Variants in TSPAN5 observed in about 807,000 individuals in gnomAD.
TSPAN5 encodes tetraspanin 5.
TSPAN5 carries 10 observed loss-of-function variants against 37.1 expected under a neutral mutation model. The ratio of observed to expected loss-of-function variants is 0.27; its 90% CI spans 0.17 to 0.46. The LOEUF (loss-of-function observed/expected upper bound fraction) is 0.46, where lower values mean the gene tolerates loss of function less well. Ranked by LOEUF, TSPAN5 falls within the 20% of genes least tolerant of loss-of-function variation. The probability of loss-of-function intolerance (pLI) is 1.00; values close to 1 mark genes in which losing one functional copy is unlikely to be tolerated. For synonymous variants in TSPAN5, 110 were observed against 118.9 expected, an observed-to-expected ratio of 0.93 and a Z score of 0.48; for missense variants, 195 against 326.6, an observed-to-expected ratio of 0.60 and a Z score of 3.11.
rs147869584 is a variant in TSPAN5 at position 98,617,191 on chromosome 4, T to A, written c.81+40955A>T. The stretch of plus-strand genomic sequence containing the variant: ...AAGTAATATTTGTGGGACTCACTAT[T>A]CAAAAAAAGCAAATACCAAAATACA... On this transcript the variant is annotated intron_variant, in intron 1 of 7. Coordinates refer to ENST00000305798, the MANE Select transcript of TSPAN5 (RefSeq NM_005723.4). Among the ~76,000 whole-genome samples, 3 of 152,168 alleles carry A rather than the reference T, an allele frequency of 2.0e-5. No individual in the cohort carries two copies. In the East Asian group the frequency reaches 5.8e-4, roughly 29 times the overall value.
At chr4:98,491,104 G>T (rs185205774) in intron 2 of TSPAN5, among the ~76,000 whole-genome samples, 6 of 152,216 alleles carry the variant, frequency 3.9e-5, no homozygotes, top group Admixed American at 3.3e-4. Context: ...TCCATGTTTT[G>T]AGGTGCGTGT....
At chr4:98,541,946 A>G (rs1053819404) in intron 1 of TSPAN5, among the ~76,000 whole-genome samples, 1 of 152,134 alleles carries the variant, frequency 6.6e-6, no homozygotes, top group African/African-American at 2.4e-5. Flanking sequence ...TTATCTCTAT[A>G]TAGTGTCTCT....
intron 1 of TSPAN5, among the ~76,000 whole-genome samples, chr4:98,533,842 AC>A (rs1365841260): frequency 6.9e-6 from 1 of 144,964 alleles, no homozygotes; most frequent in Non-Finnish European, 1.5e-5. Flanking sequence ...GAGCCACAGC[AC>A]CCGGCCCCCT....
intron 7 of TSPAN5, among the ~76,000 whole-genome samples, chr4:98,473,627 T>C (rs927785486): frequency 4.6e-5 from 7 of 151,936 alleles, no homozygotes; most frequent in Admixed American, 2.6e-4. Flanking sequence ...GCCCGGCTAA[T>C]TTTTTGTATT....
At position 98,470,991 on chromosome 4, in the gene TSPAN5, C is replaced by T. The variant is rs532720037; in HGVS notation, c.*1531G>A. ...ATCTGCTCCCCAGGAGGGCAACATC[C>T]GGTGGACACCAGCTGGATTAAAATC... On this transcript the variant is annotated 3_prime_UTR_variant, in exon 8 of 8. Coordinates refer to ENST00000305798, the MANE Select transcript of TSPAN5 (RefSeq NM_005723.4). 6.6e-6 allele frequency: 1 copy of T among 152,210 alleles called. No homozygotes were observed. Among genetic ancestry groups the T allele is most frequent in the Non-Finnish European group, 1.5e-5 (1 of 68,040 alleles). 9.4% of individuals were successfully genotyped at this position (152,210 alleles called of 1,614,324 possible). A position where few individuals can be genotyped will look rare whatever the true frequency, so the allele number is the denominator to read the frequency against.
intron 1 of TSPAN5, among the ~76,000 whole-genome samples, chr4:98,571,453 T>G (rs1755117232): frequency 1.5e-4 from 2 of 13,170 alleles, no homozygotes; most frequent in Admixed American, 1.0e-3. Flanking sequence ...CGTTCTGGCT[T>G]TTTTTTTTTT....
chr4:98,486,315 A>G lies in TSPAN5; in HGVS notation c.279+423T>C, dbSNP rs147848948. Among the ~76,000 whole-genome samples the G allele has an allele frequency of 7.5e-3, 1,141 of 152,298 alleles. 15 individuals carry two copies. Among genetic ancestry groups the G allele is most frequent in the African/African-American group, 0.026 (1,073 of 41,548 alleles). On this transcript the variant is annotated intron_variant, in intron 3 of 7. Transcript: ENST00000305798. ...TTTAGCAAAACCTACTGCTTAACAG[A>G]TTTAATCTGGACAGGCCACAGTCAC...
At chr4:98,600,020 G>C (rs1488018560) in intron 1 of TSPAN5, among the ~76,000 whole-genome samples, 1 of 151,966 alleles carries the variant, frequency 6.6e-6, no homozygotes, top group Non-Finnish European at 1.5e-5. Flanking sequence ...ACAGTACTAA[G>C]GCAAATATTG....
At chr4:98,598,515 A>G (rs1469765362) in intron 1 of TSPAN5, among the ~76,000 whole-genome samples, 1 of 151,890 alleles carries the variant, frequency 6.6e-6, no homozygotes, top group Admixed American at 6.6e-5. Context: ...CCCAGGCTGC[A>G]GTGCAGTGGC....
At chr4:98,473,675 G>A (rs959561250) in intron 7 of TSPAN5, among the ~76,000 whole-genome samples, 12 of 152,048 alleles carry the variant, frequency 7.9e-5, no homozygotes, top group African/African-American at 2.4e-4. Flanking sequence ...TAGCCAGGAT[G>A]GTCTCGATCT....
rs185242728 is a variant in TSPAN5, at chr4:98,487,002, A to T, written c.133-118T>A. Reference sequence around the variant, plus strand: ...AAAGAAAACCTTCAGAGGGCATCTGATTATCAGGTATGTGATTAATACTTA... The same window carrying T: ...AAAGAAAACCTTCAGAGGGCATCTGTTTATCAGGTATGTGATTAATACTTA... On this transcript the variant is annotated intron_variant, in intron 2 of 7. Coordinates refer to ENST00000305798, the MANE Select transcript of TSPAN5 (RefSeq NM_005723.4). 2.0e-4 allele frequency: 189 copies of T among 922,836 alleles called. 1 individual carries two copies. The highest frequency in any genetic ancestry group is 2.6e-4 in the Middle Eastern group (1 of 3,794). The allele number at this position is 922,836 out of a possible 1,614,324, so 57.2% of individuals were successfully genotyped here. A position where few individuals can be genotyped will look rare whatever the true frequency, so the allele number is the denominator to read the frequency against.
intron 1 of TSPAN5, among the ~76,000 whole-genome samples, chr4:98,625,088 T>C (rs1756569925): frequency 6.6e-6 from 1 of 152,212 alleles, no homozygotes; most frequent in African/African-American, 2.4e-5. Flanking sequence ...AAAAAGCTAA[T>C]AATTGTTGAG....
At chr4:98,517,774 G>T (rs1212529421) in intron 1 of TSPAN5, among the ~76,000 whole-genome samples, 2 of 152,128 alleles carry the variant, frequency 1.3e-5, no homozygotes, top group Non-Finnish European at 2.9e-5. Context: ...CATGGAGGCT[G>T]CAAGTTTACA....
At chr4:98,633,792 A>C (rs1227963735) in intron 1 of TSPAN5, among the ~76,000 whole-genome samples, 3 of 152,206 alleles carry the variant, frequency 2.0e-5, no homozygotes, top group African/African-American at 7.2e-5. Flanking sequence ...AAAAGTGATC[A>C]ATCACGGCCG....
At chr4:98,608,626 A>G (rs1439816528) in intron 1 of TSPAN5, among the ~76,000 whole-genome samples, 5 of 151,944 alleles carry the variant, frequency 3.3e-5, no homozygotes, top group Non-Finnish European at 7.4e-5. Flanking sequence ...CCTCCTCTCC[A>G]CTGTTCAGAG....
At chr4:98,555,107 GC>G (rs1754711142) in intron 1 of TSPAN5, among the ~76,000 whole-genome samples, 1 of 152,164 alleles carries the variant, frequency 6.6e-6, no homozygotes, top group African/African-American at 2.4e-5. Context: ...GCTTCCAGCA[GC>G]CCCAATGGTA....
chr4:98,616,578 G>T (rs372005375), intron 1 of TSPAN5, among the ~76,000 whole-genome samples: 61 of 152,282 alleles, frequency 4.0e-4, no homozygotes, highest in African/African-American at 1.3e-3. Context: ...ACTCTCAAGG[G>T]GAGCATAGCG....
chr4:98,581,694 A>G (rs1431755871), intron 1 of TSPAN5, among the ~76,000 whole-genome samples: 1 of 152,242 alleles, frequency 6.6e-6, no homozygotes, highest in East Asian at 1.9e-4. Flanking sequence ...CATTAAAAAG[A>G]AAAGGGTAAT....
intron 1 of TSPAN5, among the ~76,000 whole-genome samples, chr4:98,625,841 GA>G (rs11330260): frequency 0.16 from 23,838 of 148,734 alleles, 2,642 homozygotes; most frequent in African/African-American, 0.31. Flanking sequence ...TCTTCTCTTG[GA>G]AAAAAAAAAA....
Sources: allele counts gnomAD v4.1 joint callset (sites outside exome capture counted in the v4.1 genomes callset), GRCh38; gene constraint gnomAD v4.1.1; transcripts MANE v1.5; gene names NCBI Gene and HGNC (gene_info 2026-07-23, HGNC 2026-07-21).